Variants in AGMO observed in about 807,000 individuals in gnomAD.
AGMO encodes the protein alkylglycerol monooxygenase.
Under a neutral mutation model 60.2 loss-of-function variants are expected in AGMO, and 75 were observed. The ratio of observed to expected loss-of-function variants is 1.25; its 90% CI spans 1.03 to 1.51. AGMO has a LOEUF of 1.51. Among genes scored for constraint, AGMO ranks in the 40% most tolerant of loss-of-function variants. The pLI is 0.00. For missense variants in AGMO, 763 were observed against 525.5 expected (o/e 1.45, Z -4.42); for synonymous variants, 261 against 177.1 (o/e 1.47, Z -3.76).
At chr7:15,434,219 G>C (rs898023473) in intron 3 of AGMO, among the ~76,000 whole-genome samples, 18 of 152,098 alleles carry the variant, frequency 1.2e-4, no homozygotes, top group African/African-American at 4.3e-4. Flanking sequence ...AAAGAAGTGA[G>C]TGTCTTTTGA....
intron 2 of AGMO, among the ~76,000 whole-genome samples, chr7:15,555,795 AG>A (rs1204934122): frequency 1.3e-5 from 2 of 152,010 alleles, no homozygotes; most frequent in Non-Finnish European, 2.9e-5. Flanking sequence ...CAGTTTCTGA[AG>A]TTACGCAATT....
chr7:15,158,925 G>A, the AGMO span, among the ~76,000 whole-genome samples: 1 of 152,014 alleles, frequency 6.6e-6, no homozygotes, highest in Non-Finnish European at 1.5e-5. Context: ...GTTGAGCAAA[G>A]GCAAGTATCC....
At chr7:15,151,366 T>G in the AGMO span, among the ~76,000 whole-genome samples, 1 of 152,100 alleles carries the variant, frequency 6.6e-6, no homozygotes, top group African/African-American at 2.4e-5. Flanking sequence ...TCTGCTAGCT[T>G]TGGGGTTGGT....
chr7:15,352,632 T>C (rs1378239814), intron 12 of AGMO, among the ~76,000 whole-genome samples: 1 of 151,816 alleles, frequency 6.6e-6, no homozygotes, highest in Admixed American at 6.6e-5. Flanking sequence ...ATTCTGGCCT[T>C]GAGTTGATGG....
At chr7:15,298,514 C>G (rs1267365939) in intron 12 of AGMO, among the ~76,000 whole-genome samples, 1 of 152,076 alleles carries the variant, frequency 6.6e-6, no homozygotes, top group African/African-American at 2.4e-5. Context: ...CTCACCTAAG[C>G]CTCCCAAGTA....
intron 12 of AGMO, among the ~76,000 whole-genome samples, chr7:15,359,336 T>C (rs1030762079): frequency 7.9e-5 from 12 of 151,956 alleles, no homozygotes; most frequent in African/African-American, 2.4e-4. Flanking sequence ...TTTACTCATA[T>C]TTACTTTAAT....
chr7:15,370,483 GGCT>G (rs1583468449), intron 10 of AGMO, among the ~76,000 whole-genome samples: 1 of 152,178 alleles, frequency 6.6e-6, no homozygotes, highest in East Asian at 1.9e-4. Flanking sequence ...TTTCCACAGT[GGCT>G]GAACTAATTT....
At chr7:15,170,064 T>C in the AGMO span, among the ~76,000 whole-genome samples, 1 of 152,106 alleles carries the variant, frequency 6.6e-6, no homozygotes, top group African/African-American at 2.4e-5. Context: ...GAGATTGGAG[T>C]AGATGTTTTC....
chr7:15,557,841 C>G (rs763062362), intron 2 of AGMO, among the ~76,000 whole-genome samples: 18 of 151,890 alleles, frequency 1.2e-4, no homozygotes, highest in Non-Finnish European at 2.4e-4. Context: ...GAAAAATATT[C>G]TCCAAATTAA....
the AGMO span, among the ~76,000 whole-genome samples, chr7:15,164,658 T>A: frequency 6.6e-6 from 1 of 151,852 alleles, no homozygotes; most frequent in Non-Finnish European, 1.5e-5. Context: ...AATGCAAATT[T>A]TTTTTCAGAG....
At chr7:15,443,455 C>T (rs1333283488) in intron 3 of AGMO, among the ~76,000 whole-genome samples, 1 of 152,174 alleles carries the variant, frequency 6.6e-6, no homozygotes, top group African/African-American at 2.4e-5. Context: ...GACTATTATA[C>T]CTTTAATCAT....
intron 12 of AGMO, among the ~76,000 whole-genome samples, chr7:15,299,617 G>C (rs1216147941): frequency 1.3e-5 from 2 of 152,104 alleles, no homozygotes; most frequent in Non-Finnish European, 2.9e-5. Context: ...CCTGAGCTCA[G>C]GAGTTCTAGA....
At chr7:15,194,402 A>G in the AGMO span, among the ~76,000 whole-genome samples, 12 of 152,144 alleles carry the variant, frequency 7.9e-5, no homozygotes, top group African/African-American at 2.9e-4. Flanking sequence ...ATATATAAGT[A>G]AAATAACTTA....
intron 12 of AGMO, among the ~76,000 whole-genome samples, chr7:15,281,014 C>G (rs1219000555): frequency 6.6e-6 from 1 of 152,168 alleles, no homozygotes; most frequent in African/African-American, 2.4e-5. Flanking sequence ...GGTGGCTAGA[C>G]TCAGAGGAGC....
intron 12 of AGMO, among the ~76,000 whole-genome samples, chr7:15,284,195 A>G (rs1290300299): frequency 6.6e-6 from 1 of 152,046 alleles, no homozygotes; most frequent in Non-Finnish European, 1.5e-5. Flanking sequence ...AACAAACCAA[A>G]CCCAAAGCTA....
chr7:15,252,966 A>T (rs1467605836), intron 12 of AGMO, among the ~76,000 whole-genome samples: 1 of 152,194 alleles, frequency 6.6e-6, no homozygotes. Context: ...AGATAAAATA[A>T]ATTGAGAACC....
intron 3 of AGMO, among the ~76,000 whole-genome samples, chr7:15,524,044 T>G (rs1784064083): frequency 6.6e-6 from 1 of 152,068 alleles, no homozygotes; most frequent in African/African-American, 2.4e-5. Context: ...AACTTTCTGT[T>G]TGATATTTTT....
chr7:15,486,551 T>G (rs1368389150), intron 3 of AGMO, among the ~76,000 whole-genome samples: 2 of 152,030 alleles, frequency 1.3e-5, no homozygotes, highest in East Asian at 3.9e-4. Context: ...AAAAGAAAAT[T>G]TAAATGTAAG....
chr7:15,382,009 C>T (rs562540902), intron 10 of AGMO, among the ~76,000 whole-genome samples: 1 of 152,182 alleles, frequency 6.6e-6, no homozygotes, highest in Admixed American at 6.5e-5. Context: ...ACAACACACA[C>T]TGGGGTCTAT....
Sources: allele counts gnomAD v4.1 joint callset (sites outside exome capture counted in the v4.1 genomes callset), GRCh38; gene constraint gnomAD v4.1.1; transcripts MANE v1.5; gene names NCBI Gene and HGNC (gene_info 2026-07-23, HGNC 2026-07-21).